The following ERG variants were observed in gnomAD, a reference collection of about 807,000 sequenced individuals.
The protein encoded by ERG is transcriptional regulator ERG.
In ERG, 9 loss-of-function variants were observed where a neutral mutation model predicts 55.3. The observed-to-expected ratio is 0.16, with a 90% confidence interval of 0.10 to 0.28. ERG has a LOEUF of 0.28. ERG is among the 10% of genes least tolerant of loss of function. ERG has a pLI of 1.00. For missense variants in ERG, 434 were observed against 631.6 expected (o/e 0.69, Z 3.35); for synonymous variants, 223 against 237.3 (o/e 0.94, Z 0.55).
At chr21:38,442,924 C>T (rs1466282071) in intron 2 of ERG, among the ~76,000 whole-genome samples, 1 of 152,208 alleles carries the variant, frequency 6.6e-6, no homozygotes, top group Admixed American at 6.5e-5. Flanking sequence ...TCTCCTGCCT[C>T]AGCCTCCCGA....
chr21:38,569,177 C>T (rs113220002), intron 2 of ERG, among the ~76,000 whole-genome samples: 336 of 152,372 alleles, frequency 2.2e-3, no homozygotes, highest in African/African-American at 6.3e-3. Context: ...CCTCCCCCCC[C>T]ACCCCCAGTG....
At chr21:38,481,806 C>T (rs1313138339) in intron 1 of ERG, among the ~76,000 whole-genome samples, 1 of 152,186 alleles carries the variant, frequency 6.6e-6, no homozygotes, top group East Asian at 1.9e-4. Flanking sequence ...TACAGTTTCA[C>T]TGACATTTCA....
chr21:38,635,488 A>C (rs763305351), intron 1 of ERG, among the ~76,000 whole-genome samples: 1 of 152,216 alleles, frequency 6.6e-6, no homozygotes, highest in Non-Finnish European at 1.5e-5. Context: ...GCATAAATAA[A>C]GAAATAGTGA....
chr21:38,498,389 C>A lies in ERG; in HGVS notation c.-9G>T. 6.2e-7 allele frequency: 1 copy of A among 1,600,838 alleles called. No homozygotes were observed. On this transcript the variant is annotated 5_prime_UTR_variant, in exon 1 of 10. Coordinates refer to ENST00000288319, the MANE Select transcript of ERG (RefSeq NM_182918.4). This position sits in a 1 kb window ranked among gnomAD's most constrained non-coding sequence, Gnocchi z 4.6. ...TTAATAGTGCTGGCCATAATGCGAT[C>A]AAGTTTATTGATCGTTAATAAATGT...
intron 3 of ERG, among the ~76,000 whole-genome samples, chr21:38,418,287 G>C (rs77364213): frequency 1.1e-5 from 1 of 94,294 alleles, no homozygotes; most frequent in African/African-American, 3.0e-5. Flanking sequence ...GTGTGTGTGT[G>C]TGTGTGTGTG....
At chr21:38,493,232 C>A (rs540174057) in intron 1 of ERG, among the ~76,000 whole-genome samples, 1 of 152,068 alleles carries the variant, frequency 6.6e-6, no homozygotes, top group Non-Finnish European at 1.5e-5. Flanking sequence ...ACATCGCAAG[C>A]AGCATCACTT....
In ERG at chr21:38,420,031, GT is replaced by G. The variant is rs34463414; in HGVS notation, c.388+3378del. ...TACAAATGTTTAGGAATAACTGATGGTTTTTTTTTTTTTCACTCAGCTATCC... is the reference window on the plus strand; with the variant it reads ...TACAAATGTTTAGGAATAACTGATGGTTTTTTTTTTTTCACTCAGCTATCC... On this transcript the variant is annotated intron_variant, in intron 3 of 9. Coordinates refer to ENST00000288319, the MANE Select transcript of ERG (RefSeq NM_182918.4). Among the ~76,000 whole-genome samples, 251 of 144,488 alleles carry G rather than the reference GT, an allele frequency of 1.7e-3. 1 individual carries two copies. Among genetic ancestry groups the G allele is most frequent in the African/African-American group, 3.7e-3 (148 of 39,698 alleles). 94.8% of individuals were successfully genotyped at this position (144,488 alleles called of 152,430 possible).
At chr21:38,377,459 A>C (rs1987273713), downstream of ERG, among the ~76,000 whole-genome samples, 1 of 152,176 alleles carries the variant, frequency 6.6e-6, no homozygotes, top group Admixed American at 6.5e-5. Context: ...CTTCACCCTT[A>C]ATTTAAAAAG....
rs1175948856 is a variant in ERG, at chr21:38,402,472, C to G, written c.673+85G>C. On this transcript the variant is annotated intron_variant, in intron 5 of 9. Transcript: ENST00000288319. The stretch of plus-strand genomic sequence containing the variant: ...ACCTGCGTTCTGTCTTCCTGGCACG[C>G]GCTGACTGGTTTCCCATGAAAGCAT... 6.2e-6 allele frequency: 6 copies of G among 971,872 alleles called. No individual in the cohort carries two copies. In the South Asian group the frequency reaches 8.5e-5, roughly 14 times the overall value. 60.2% of individuals were successfully genotyped at this position (971,872 alleles called of 1,614,324 possible).
intron 1 of ERG, among the ~76,000 whole-genome samples, chr21:38,600,517 G>A (rs1358588801): frequency 6.6e-6 from 1 of 152,080 alleles, no homozygotes; most frequent in African/African-American, 2.4e-5. Flanking sequence ...GACAGTAAAG[G>A]GACCCCATCC....
chr21:38,369,783 T>C, the ERG span, among the ~76,000 whole-genome samples: 1 of 152,116 alleles, frequency 6.6e-6, no homozygotes, highest in East Asian at 1.9e-4. Flanking sequence ...TCCATCTTGC[T>C]TTAATTTTTG....
intron 1 of ERG, among the ~76,000 whole-genome samples, chr21:38,468,994 AAAAAAAAGAAAAAAAAAAAAG>A (rs2059115733): frequency 1.4e-5 from 1 of 69,884 alleles, no homozygotes; most frequent in Non-Finnish European, 4.4e-5. Context: ...AAAAAAAAAA[AAAAAAAAGAAAAAAAAAAAAG>A]AAAATGTGGC....
chr21:38,530,350 G>A (rs531341364), intron 2 of ERG, among the ~76,000 whole-genome samples: 3 of 152,268 alleles, frequency 2.0e-5, no homozygotes, highest in South Asian at 4.1e-4. Flanking sequence ...GTGAGCCACT[G>A]CGTCCAGCAA....
chr21:38,523,084 G>C (rs183381574), intron 2 of ERG, among the ~76,000 whole-genome samples: 85 of 152,252 alleles, frequency 5.6e-4, no homozygotes, highest in African/African-American at 2.0e-3. Context: ...GGTGAGGCCA[G>C]TTTTCTAGTC....
chr21:38,395,073 CA>C (rs1458911914), intron 6 of ERG, among the ~76,000 whole-genome samples: 1 of 152,242 alleles, frequency 6.6e-6, no homozygotes, highest in East Asian at 1.9e-4. Flanking sequence ...GTCTACTTTT[CA>C]GCCAAGTATT....
At chr21:38,388,867 G>A (rs1987833082) in intron 9 of ERG, among the ~76,000 whole-genome samples, 1 of 152,186 alleles carries the variant, frequency 6.6e-6, no homozygotes, top group South Asian at 2.1e-4. Flanking sequence ...CATATGCAGT[G>A]TTCCCTTGTG....
intron 1 of ERG, among the ~76,000 whole-genome samples, chr21:38,469,498 G>A (rs1466869831): frequency 2.0e-5 from 3 of 152,168 alleles, no homozygotes; most frequent in Non-Finnish European, 2.9e-5. Flanking sequence ...AAATCGATGA[G>A]TACATATAAA....
At position 38,446,226 on chromosome 21, in the gene ERG, CAAAAAAAAAAAAAAA is replaced by C. The variant is rs71184626; in HGVS notation, c.19-620_19-606del. On this transcript the variant is annotated intron_variant, in intron 1 of 9. Transcript: ENST00000288319. ...GTGAGCATCTGGATGATAAATGAAC[CAAAAAAAAAAAAAAA>C]AAAAAAAAAAAAGCTGTGAAGTATC... Among the ~76,000 whole-genome samples the C allele has an allele frequency of 7.7e-4, 49 of 63,614 alleles. 1 individual carries two copies. Among genetic ancestry groups the C allele is most frequent in the African/African-American group, 2.8e-3 (37 of 13,136 alleles). The allele number at this position is 63,614 out of a possible 152,430, so 41.7% of individuals were successfully genotyped here.
upstream of ERG, among the ~76,000 whole-genome samples, chr21:38,588,950 C>A (rs1465188164): frequency 1.3e-5 from 2 of 152,062 alleles, no homozygotes; most frequent in East Asian, 1.9e-4. Context: ...AGGCCAATCT[C>A]GAACTCCTGG....
Sources: gnomAD v4.1 joint callset for allele counts (sites outside exome capture counted in the v4.1 genomes callset) on GRCh38, gnomAD v4.1.1 for gene constraint, Gnocchi (gnomAD v3.1) non-coding constraint, MANE v1.5 for transcripts, NCBI Gene and HGNC (gene_info 2026-07-23, HGNC 2026-07-21) for gene names.